SIPA1L3: variants seen among roughly 807,000 people sequenced by gnomAD.
SIPA1L3 encodes signal induced proliferation associated 1 like 3.
SIPA1L3 carries 59 observed loss-of-function variants against 150.1 expected under a neutral mutation model. The ratio of observed to expected loss-of-function variants is 0.39; its 90% CI spans 0.32 to 0.49. The LOEUF (loss-of-function observed/expected upper bound fraction) is 0.49, where lower values mean the gene tolerates loss of function less well. SIPA1L3 is among the 20% of genes least tolerant of loss of function. The pLI, the probability that SIPA1L3 is intolerant of heterozygous loss-of-function variation, is 0.86. For synonymous variants in SIPA1L3, 1,070 were observed against 1,077.6 expected, an observed-to-expected ratio of 0.99 and a Z score of 0.14; for missense variants, 2,211 against 2,489.5, an observed-to-expected ratio of 0.89 and a Z score of 2.38.
At chr19:38,141,677 A>G (rs944050805) in intron 11 of SIPA1L3, among the ~76,000 whole-genome samples, 21 of 152,322 alleles carry the variant, frequency 1.4e-4, no homozygotes, top group African/African-American at 4.6e-4. Flanking sequence ...TATACTAAGT[A>G]GACGACTGAA....
chr19:37,932,134 A>G (rs1482969544), intron 1 of SIPA1L3, among the ~76,000 whole-genome samples: 1 of 152,234 alleles, frequency 6.6e-6, no homozygotes, highest in Non-Finnish European at 1.5e-5. Flanking sequence ...GCACGGGCCA[A>G]GGAGCCCGCC....
chr19:37,930,596 C>T (rs2046545038), intron 1 of SIPA1L3, among the ~76,000 whole-genome samples: 1 of 152,172 alleles, frequency 6.6e-6, no homozygotes, highest in African/African-American at 2.4e-5. Context: ...CACTGTAAAG[C>T]CATTGCCCTT....
chr19:37,983,871 C>T (rs1308881215), intron 1 of SIPA1L3, among the ~76,000 whole-genome samples: 1 of 150,170 alleles, frequency 6.7e-6, no homozygotes, highest in African/African-American at 2.5e-5. Context: ...ATACCACTGC[C>T]CTCCAGCCTG....
intron 13 of SIPA1L3, among the ~76,000 whole-genome samples, chr19:38,154,288 A>G (rs1971893570): frequency 6.6e-6 from 1 of 152,116 alleles, no homozygotes; most frequent in South Asian, 2.1e-4. Context: ...CTTGGTGTTG[A>G]TAGACATTTG....
At chr19:38,147,967 C>T (rs946029662) in intron 12 of SIPA1L3, among the ~76,000 whole-genome samples, 1 of 151,848 alleles carries the variant, frequency 6.6e-6, no homozygotes, top group Non-Finnish European at 1.5e-5. Flanking sequence ...TGCTTGGGCC[C>T]GGGCTGTCAA....
chr19:38,161,057 T>A (rs185536412), intron 13 of SIPA1L3, among the ~76,000 whole-genome samples: 2 of 152,120 alleles, frequency 1.3e-5, no homozygotes, highest in Admixed American at 1.3e-4. Context: ...TTTAAAAAAG[T>A]TGTGGGCCGG....
chr19:38,190,717 T>C (rs1179216682), intron 16 of SIPA1L3, among the ~76,000 whole-genome samples: 1 of 152,202 alleles, frequency 6.6e-6, no homozygotes, highest in Admixed American at 6.6e-5. Flanking sequence ...TAACCATGAT[T>C]ATGGTTAAGT....
intron 7 of SIPA1L3, chr19:38,109,428 G>C (rs1970691505): frequency 2.0e-5 from 3 of 152,176 alleles, no homozygotes; most frequent in Non-Finnish European, 4.4e-5. Flanking sequence ...GGAATTATGG[G>C]AGCTGCAATT....
At chr19:38,093,853 T>G (rs79068121) in intron 4 of SIPA1L3, among the ~76,000 whole-genome samples, 336 of 152,308 alleles carry the variant, frequency 2.2e-3, no homozygotes, top group African/African-American at 7.4e-3. Flanking sequence ...TGGCACTGCT[T>G]GTCCAAACCC....
intron 1 of SIPA1L3, among the ~76,000 whole-genome samples, chr19:37,969,906 CG>C (rs1416477984): frequency 6.6e-6 from 1 of 152,146 alleles, no homozygotes; most frequent in East Asian, 1.9e-4. Context: ...TTTAATTACA[CG>C]TTATGTTTGT....
chr19:38,169,876 G>A (rs1333858757), intron 15 of SIPA1L3, among the ~76,000 whole-genome samples: 1 of 152,020 alleles, frequency 6.6e-6, no homozygotes, highest in African/African-American at 2.4e-5. Flanking sequence ...CCAGGCTAAG[G>A]GGTCAGGGCT....
Position 38,154,780 on chromosome 19 carries a change from G to C in SIPA1L3, c.3661+1813G>C, listed in dbSNP as rs74693201. Among the ~76,000 whole-genome samples the C allele has an allele frequency of 1.4e-4, 11 of 77,620 alleles. No homozygotes were observed. In the East Asian group the frequency reaches 3.4e-3, roughly 24 times the overall value. 50.9% of individuals were successfully genotyped at this position (77,620 alleles called of 152,430 possible). ...TATTATTCATTTTTTTTTTTTTTTT[G>C]AGACAGAGTCTTACTCTGTTGCCCA... is the stretch of plus-strand genomic sequence containing the variant. On this transcript the variant is annotated intron_variant, in intron 13 of 21. Coordinates refer to ENST00000222345, the MANE Select transcript of SIPA1L3 (RefSeq NM_015073.3).
At chr19:38,017,520 C>CT (rs764574386) in intron 1 of SIPA1L3, among the ~76,000 whole-genome samples, 7,829 of 138,788 alleles carry the variant, frequency 0.056, 323 homozygotes, top group African/African-American at 0.12. Context: ...CAGCTATCTC[C>CT]TTTTTTTTTT....
At chr19:38,117,312 G>A (rs957727397) in intron 8 of SIPA1L3, among the ~76,000 whole-genome samples, 3 of 152,074 alleles carry the variant, frequency 2.0e-5, no homozygotes, top group Admixed American at 6.5e-5. Context: ...ATCCCAGTCC[G>A]CTCGCTGCTA....
chr19:37,915,624 C>T (rs554058017), intron 1 of SIPA1L3, among the ~76,000 whole-genome samples: 8 of 151,990 alleles, frequency 5.3e-5, no homozygotes, highest in Middle Eastern at 3.4e-3. Flanking sequence ...TCAAGTGATC[C>T]GACGGCCTCA....
chr19:38,066,716 A>G (rs1235797368), intron 2 of SIPA1L3, among the ~76,000 whole-genome samples: 1 of 152,072 alleles, frequency 6.6e-6, no homozygotes, highest in Non-Finnish European at 1.5e-5. Flanking sequence ...GATCCCAGCT[A>G]CTCAGGAGGC....
At chr19:37,909,480 A>T (rs930935637) in intron 1 of SIPA1L3, among the ~76,000 whole-genome samples, 6 of 151,976 alleles carry the variant, frequency 3.9e-5, no homozygotes, top group East Asian at 3.9e-4. Flanking sequence ...AAGTGCTGGG[A>T]TTGTAGGGCA....
In SIPA1L3 at chr19:38,142,635, C is replaced by T; in HGVS notation, c.3458C>T (p.Pro1153Leu). 1 of 1,614,074 alleles carries T rather than the reference C, an allele frequency of 6.2e-7. No homozygotes were observed. Among genetic ancestry groups the T allele is most frequent in the South Asian group, 1.1e-5 (1 of 91,066 alleles). ...VSPAGADRVP[P>L]YRQPSGSFST... Reference sequence around the variant, plus strand: ...CCAGCAGGGGCCGACAGAGTCCCTCCCTACCGACAGCCTTCTGGGAGCTTC... The same window carrying T: ...CCAGCAGGGGCCGACAGAGTCCCTCTCTACCGACAGCCTTCTGGGAGCTTC... Residue 1153 changes from proline to leucine, a missense_variant, in exon 12 of 22, where the codon CCC becomes CTC. Physicochemically the swap from Pro to Leu is moderately conservative, Grantham distance 98. Coordinates refer to ENST00000222345, the MANE Select transcript of SIPA1L3 (RefSeq NM_015073.3).
chr19:38,089,605 T>TA (rs1970217595), intron 4 of SIPA1L3, among the ~76,000 whole-genome samples: 1 of 152,206 alleles, frequency 6.6e-6, no homozygotes, highest in Admixed American at 6.5e-5. Flanking sequence ...GTACTGCTGT[T>TA]ATGCCAATCA....
Sources: allele counts gnomAD v4.1 joint callset (sites outside exome capture counted in the v4.1 genomes callset), GRCh38; gene constraint gnomAD v4.1.1; transcripts MANE v1.5; gene names NCBI Gene and HGNC (gene_info 2026-07-23, HGNC 2026-07-21).